The following JAZF1 variants were observed in gnomAD, a reference collection of about 807,000 sequenced individuals.
JAZF1 encodes the protein juxtaposed with another zinc finger protein 1.
A neutral mutation model predicts 26.4 loss-of-function variants in JAZF1; 8 were observed. The ratio of observed to expected loss-of-function variants is 0.30; its 90% CI spans 0.18 to 0.55. The LOEUF (loss-of-function observed/expected upper bound fraction) is 0.55. Ranked by LOEUF, JAZF1 falls within the 20% of genes least tolerant of loss-of-function variation. JAZF1 has a pLI of 0.94. For missense variants in JAZF1, 199 were observed against 322.0 expected (o/e 0.62, Z 2.92); for synonymous variants, 126 against 122.3 (o/e 1.03, Z -0.20).
chr7:28,001,448 T>C (rs1056752641), intron 1 of JAZF1, among the ~76,000 whole-genome samples: 3 of 152,170 alleles, frequency 2.0e-5, no homozygotes, highest in African/African-American at 7.2e-5. Flanking sequence ...TAGAGGAATA[T>C]ACTTACTACT....
intron 1 of JAZF1, among the ~76,000 whole-genome samples, chr7:28,112,134 C>A (rs1784671060): frequency 6.6e-6 from 1 of 152,164 alleles, no homozygotes; most frequent in Non-Finnish European, 1.5e-5. Context: ...GTGACAGATA[C>A]TTGGCTGTCC....
At chr7:28,169,205 C>A (rs536968695) in intron 1 of JAZF1, among the ~76,000 whole-genome samples, 1 of 152,166 alleles carries the variant, frequency 6.6e-6, no homozygotes, top group Non-Finnish European at 1.5e-5. Flanking sequence ...TAACGTTATA[C>A]GTTAATCTCT....
intron 1 of JAZF1, among the ~76,000 whole-genome samples, chr7:27,993,321 A>G (rs1785942572): frequency 6.6e-6 from 1 of 152,194 alleles, no homozygotes; most frequent in African/African-American, 2.4e-5. Context: ...AGAACAGATC[A>G]GTAGCTCTGC....
rs572578107 is a variant in JAZF1 at position 27,950,559 on chromosome 7, T to G, written c.188+41350A>C. Among the ~76,000 whole-genome samples the G allele has an allele frequency of 2.6e-5, 4 of 152,280 alleles. No individual in the cohort carries two copies. In the South Asian group the frequency reaches 8.3e-4, roughly 32 times the overall value. ...GCGTACACTTTACCAAAAACCAGGA[T>G]TTTTATGACACTAACCCTAATGATC... On this transcript the variant is annotated intron_variant, in intron 2 of 4. Coordinates refer to ENST00000283928, the MANE Select transcript of JAZF1 (RefSeq NM_175061.4).
At chr7:27,880,984 AATTTACT>A (rs1316991922) in intron 3 of JAZF1, among the ~76,000 whole-genome samples, 2 of 152,148 alleles carry the variant, frequency 1.3e-5, no homozygotes, top group Non-Finnish European at 2.9e-5. Flanking sequence ...CTGAACTTTT[AATTTACT>A]ATTTACTTGG....
intron 1 of JAZF1, among the ~76,000 whole-genome samples, chr7:28,073,259 G>C (rs1453787952): frequency 6.6e-6 from 1 of 152,170 alleles, no homozygotes; most frequent in Non-Finnish European, 1.5e-5. Context: ...CGTGGCTGGA[G>C]ACCTGGTCTC....
At chr7:27,837,261 C>T (rs556815292) in intron 4 of JAZF1, among the ~76,000 whole-genome samples, 5 of 152,344 alleles carry the variant, frequency 3.3e-5, no homozygotes, top group African/African-American at 1.2e-4. Context: ...TCTTTTAAAC[C>T]TATCTGCATT....
chr7:27,856,496 C>T (rs1176977072), intron 3 of JAZF1, among the ~76,000 whole-genome samples: 1 of 152,202 alleles, frequency 6.6e-6, no homozygotes, highest in Non-Finnish European at 1.5e-5. Flanking sequence ...CTTTTATTCT[C>T]TTATCTGGCC....
At chr7:27,895,182 TCTC>T (rs1338672588) in intron 3 of JAZF1, 35 bp downstream of exon 3, 5 of 1,397,240 alleles carry the variant, frequency 3.6e-6, no homozygotes, top group African/African-American at 1.4e-5. Flanking sequence ...CTTTCTCCCC[TCTC>T]CTCCTTCTCA....
intron 1 of JAZF1, among the ~76,000 whole-genome samples, chr7:28,094,177 C>A (rs1417599243): frequency 6.6e-6 from 1 of 152,184 alleles, no homozygotes. Context: ...AGTCAACATT[C>A]GATCTGCTCG....
intron 1 of JAZF1, among the ~76,000 whole-genome samples, chr7:28,077,428 G>T (rs1162441892): frequency 6.6e-6 from 1 of 151,922 alleles, no homozygotes; most frequent in Non-Finnish European, 1.5e-5. Flanking sequence ...TTCACGTATT[G>T]ATTATACCGA....
chr7:27,945,090 C>T lies in JAZF1; in HGVS notation c.188+46819G>A, dbSNP rs144657522. 6.6e-5 allele frequency among the ~76,000 whole-genome samples: 10 copies of T among 152,042 alleles called. No individual in the cohort carries two copies. In the East Asian group the frequency reaches 1.4e-3, roughly 21 times the overall value. On this transcript the variant is annotated intron_variant, in intron 2 of 4. Coordinates refer to ENST00000283928, the MANE Select transcript of JAZF1 (RefSeq NM_175061.4). Reference sequence around the variant, plus strand: ...TATCTAGGATCTTTGGAAAAGTGATCGAGAACTCACTTTGGTACCTCTGGG... The same window carrying T: ...TATCTAGGATCTTTGGAAAAGTGATTGAGAACTCACTTTGGTACCTCTGGG...
intron 1 of JAZF1, among the ~76,000 whole-genome samples, chr7:28,046,357 G>A (rs921934696): frequency 5.9e-5 from 9 of 152,154 alleles, no homozygotes; most frequent in Admixed American, 1.3e-4. Flanking sequence ...GCATCTGTCC[G>A]TGTCAAACCA....
At chr7:27,861,645 G>A (rs1005601839) in intron 3 of JAZF1, among the ~76,000 whole-genome samples, 9 of 151,070 alleles carry the variant, frequency 6.0e-5, no homozygotes, top group Non-Finnish European at 1.0e-4. Context: ...CTGTTTCTCC[G>A]GTGTGCCTTT....
At chr7:27,882,681 T>C (rs935650431) in intron 3 of JAZF1, among the ~76,000 whole-genome samples, 2 of 152,200 alleles carry the variant, frequency 1.3e-5, no homozygotes, top group Non-Finnish European at 2.9e-5. Flanking sequence ...GGTTCTTTAA[T>C]GCTGTGCAGC....
At chr7:27,866,847 C>G (rs2128337113) in intron 3 of JAZF1, among the ~76,000 whole-genome samples, 1 of 152,226 alleles carries the variant, frequency 6.6e-6, no homozygotes, top group South Asian at 2.1e-4. Context: ...TAGTGGAGAC[C>G]TGGGGATAAA....
At chr7:28,095,510 T>G (rs953191879) in intron 1 of JAZF1, among the ~76,000 whole-genome samples, 1 of 152,132 alleles carries the variant, frequency 6.6e-6, no homozygotes. Flanking sequence ...ACCCCCATGA[T>G]TCAATTACCT....
At chr7:28,087,280 C>T (rs1405198280) in intron 1 of JAZF1, among the ~76,000 whole-genome samples, 2 of 151,664 alleles carry the variant, frequency 1.3e-5, no homozygotes, top group East Asian at 3.9e-4. Flanking sequence ...TCAGCCAGAG[C>T]TATTCTAGGA....
intron 1 of JAZF1, among the ~76,000 whole-genome samples, chr7:28,055,731 A>G (rs960600202): frequency 3.3e-5 from 5 of 152,122 alleles, no homozygotes; most frequent in African/African-American, 9.7e-5. Flanking sequence ...TAGATGCACA[A>G]CGATTATTTG....
Sources: gnomAD v4.1 joint callset for allele counts (sites outside exome capture counted in the v4.1 genomes callset) on GRCh38, gnomAD v4.1.1 for gene constraint, MANE v1.5 for transcripts, NCBI Gene and HGNC (gene_info 2026-07-23, HGNC 2026-07-21) for gene names.